The following AMMECR1 variants were observed in gnomAD, a reference collection of about 807,000 sequenced individuals.
The protein encoded by AMMECR1 is nuclear protein AMMECR1.
A neutral mutation model predicts 22.5 loss-of-function variants in AMMECR1; 3 were observed. That is an observed-to-expected ratio of 0.13 (90% CI 0.06 to 0.35). The LOEUF (loss-of-function observed/expected upper bound fraction) is 0.35, where lower values mean the gene tolerates loss of function less well. AMMECR1 is among the 10% of genes least tolerant of loss of function. The pLI is 1.00. For missense variants in AMMECR1, 235 were observed against 278.7 expected, an observed-to-expected ratio of 0.84 and a Z score of 1.12; for synonymous variants, 130 against 116.7, an observed-to-expected ratio of 1.11 and a Z score of -0.74.
chrX:110,213,571 T>G lies in AMMECR1; in HGVS notation c.699+2947A>C, dbSNP rs1226073887. ...TGAACAGTGCTGTTATGAACATTCA[T>G]GCACAAGTTTTTGTTTCAACACTTC... On this transcript the variant is annotated intron_variant, in intron 3 of 5. Transcript: ENST00000262844. Among the ~76,000 whole-genome samples, 15 of 112,601 alleles carry G rather than the reference T, an allele frequency of 1.3e-4. No homozygotes were observed. In the Admixed American group the frequency reaches 1.4e-3, roughly 11 times the overall value.
chrX:110,378,219 G>A (rs1230110101), intron 2 of AMMECR1, among the ~76,000 whole-genome samples: 1 of 110,946 alleles, frequency 9.0e-6, no homozygotes, highest in Non-Finnish European at 1.9e-5. Context: ...TTGGGTATGG[G>A]AAGGTCCTTA....
In AMMECR1 at chrX:110,318,032, A is replaced by G; in HGVS notation, c.40T>C (p.Ser14Pro). The change falls in exon 1 of 6, where the codon TCC becomes CCC. Residue 14 changes from serine (S) to proline (P), a missense_variant. This residue lies in a region of AMMECR1 where 124 missense variants were observed against 97.0 expected (regional missense o/e 1.28). Transcript: ENST00000262844. Reference protein sequence around the residue: ...GCCGVKKQKLSSSPPSGSGGG... With the variant: ...GCCGVKKQKLPSSPPSGSGGG... Reference sequence around the variant, plus strand: ...CCCGAGCCAGAGGGGGGCGAACTGGACAGTTTCTGCTTCTTCACCCCGCAG... The same window carrying G: ...CCCGAGCCAGAGGGGGGCGAACTGGGCAGTTTCTGCTTCTTCACCCCGCAG... 8.3e-7 allele frequency: 1 copy of G among 1,205,719 alleles called. No homozygotes were observed. Among genetic ancestry groups the G allele is most frequent in the Non-Finnish European group, 1.1e-6 (1 of 893,510 alleles).
At chrX:110,423,003 C>T (rs1184894918) in intron 2 of AMMECR1, among the ~76,000 whole-genome samples, 3 of 111,794 alleles carry the variant, frequency 2.7e-5, no homozygotes, top group South Asian at 3.8e-4. Context: ...GATCCCACCC[C>T]GTCATGTCCT....
intron 1 of AMMECR1, chrX:110,426,822 T>C (rs1226239975): frequency 9.0e-6 from 1 of 111,635 alleles, no homozygotes; most frequent in Non-Finnish European, 1.9e-5. Context: ...AGGGATTGAG[T>C]GGACAATGAG....
chrX:110,299,826 T>C (rs2067956302), intron 1 of AMMECR1, among the ~76,000 whole-genome samples: 1 of 112,145 alleles, frequency 8.9e-6, no homozygotes, highest in Non-Finnish European at 1.9e-5. Flanking sequence ...CTTATTTCAC[T>C]TAGCATAATG....
intron 2 of AMMECR1, among the ~76,000 whole-genome samples, chrX:110,244,195 C>T (rs773040496): frequency 1.8e-5 from 2 of 111,574 alleles, no homozygotes; most frequent in South Asian, 7.5e-4. Context: ...CCTCCTGTTA[C>T]TAACCTAATT....
chrX:110,352,058 T>C (rs1335128431), intron 2 of AMMECR1, among the ~76,000 whole-genome samples: 7 of 111,887 alleles, frequency 6.3e-5, no homozygotes, highest in African/African-American at 2.3e-4. Flanking sequence ...TGGCTATAAC[T>C]TTTTTTAAAA....
intron 1 of AMMECR1, among the ~76,000 whole-genome samples, chrX:110,266,110 G>GTT (rs752019966): frequency 1.2e-4 from 11 of 92,626 alleles, no homozygotes; most frequent in Admixed American, 2.3e-4. Context: ...GTAAAAGCCA[G>GTT]TTTTTTTTTT....
rs1433020093 is a variant in AMMECR1, at chrX:110,413,402, T to A, written c.-148+13256A>T. Among the ~76,000 whole-genome samples, 3 of 110,972 alleles carry A rather than the reference T, an allele frequency of 2.7e-5. No individual in the cohort carries two copies. In the Admixed American group the frequency reaches 2.9e-4, roughly 11 times the overall value. The stretch of plus-strand genomic sequence containing the variant: ...GGGGTCTGTGCTCTAGCTTCCCCTG[T>A]TTGCTTCCAGGCTGTTAGTCCTCCG... On this transcript the variant is annotated intron_variant, in intron 2 of 7. Transcript: ENST00000372057.
intron 2 of AMMECR1, among the ~76,000 whole-genome samples, chrX:110,377,747 C>T (rs2068386908): frequency 9.0e-6 from 1 of 111,411 alleles, no homozygotes; most frequent in African/African-American, 3.3e-5. Context: ...ATATCTACCT[C>T]CATCTCAATC....
intron 2 of AMMECR1, among the ~76,000 whole-genome samples, chrX:110,256,648 T>C (rs1261727654): frequency 9.0e-6 from 1 of 111,396 alleles, no homozygotes; most frequent in African/African-American, 3.3e-5. Flanking sequence ...AATAAGTGTT[T>C]AGCATTTAAA....
At chrX:110,346,923 G>C in intron 2 of AMMECR1, 1 of 555,137 alleles carries the variant, frequency 1.8e-6, no homozygotes, top group Non-Finnish European at 3.3e-6. Flanking sequence ...GAACGCGGGG[G>C]CCGGGCCGAT....
At chrX:110,240,262 C>A (rs1602815161) in intron 2 of AMMECR1, among the ~76,000 whole-genome samples, 1 of 108,032 alleles carries the variant, frequency 9.3e-6, no homozygotes, top group Non-Finnish European at 1.9e-5. Flanking sequence ...CACAGACTGG[C>A]AAATTGGATA....
At chrX:110,303,571 T>C (rs778234158) in intron 1 of AMMECR1, among the ~76,000 whole-genome samples, 1 of 112,294 alleles carries the variant, frequency 8.9e-6, no homozygotes, top group South Asian at 3.7e-4. Flanking sequence ...TCCCATTATG[T>C]GGCAGGAGTC....
At chrX:110,257,083 A>T (rs896805841) in intron 2 of AMMECR1, among the ~76,000 whole-genome samples, 2 of 112,006 alleles carry the variant, frequency 1.8e-5, no homozygotes, top group African/African-American at 6.5e-5. Context: ...AACATTTATT[A>T]TGTAAATATT....
intron 2 of AMMECR1, among the ~76,000 whole-genome samples, chrX:110,400,900 C>T (rs1167481106): frequency 8.9e-6 from 1 of 111,868 alleles, no homozygotes; most frequent in East Asian, 2.8e-4. Flanking sequence ...CCCAGTTCTT[C>T]GTCATCTTTA....
chrX:110,418,707 A>G (rs1320267216), intron 2 of AMMECR1, among the ~76,000 whole-genome samples: 2 of 111,624 alleles, frequency 1.8e-5, no homozygotes, highest in African/African-American at 3.3e-5. Flanking sequence ...GAGACAGCGC[A>G]TGGGAGCTGG....
At chrX:110,426,578 C>T (rs1046726606) in intron 2 of AMMECR1, 1 of 112,102 alleles carries the variant, frequency 8.9e-6, no homozygotes, top group Non-Finnish European at 1.9e-5. Flanking sequence ...TGAGACATGG[C>T]GTCTGAATAT....
chrX:110,277,932 A>G (rs2067834280), intron 1 of AMMECR1, among the ~76,000 whole-genome samples: 1 of 112,284 alleles, frequency 8.9e-6, no homozygotes. Flanking sequence ...GACCTTATTC[A>G]TAACTCCTAA....
Sources: allele counts gnomAD v4.1 joint callset (sites outside exome capture counted in the v4.1 genomes callset), GRCh38; gene constraint gnomAD v4.1.1; regional missense constraint gnomAD v4.1.1; transcripts MANE v1.5; gene names NCBI Gene and HGNC (gene_info 2026-07-23, HGNC 2026-07-21).